Variants in ANXA8 observed in about 807,000 individuals in gnomAD.
ANXA8 encodes the protein VAC-beta.
A neutral mutation model predicts 26.8 loss-of-function variants in ANXA8; 9 were observed. That is an observed-to-expected ratio of 0.34 (90% CI 0.20 to 0.59). ANXA8 has a LOEUF of 0.59. Among genes scored for constraint, ANXA8 ranks in the 20% least tolerant of loss-of-function variants. The pLI, the probability that ANXA8 is intolerant of heterozygous loss-of-function variation, is 0.84. For synonymous variants in ANXA8, 39 were observed against 94.8 expected (o/e 0.41, Z 3.42); for missense variants, 83 against 238.5 (o/e 0.35, Z 4.29).
chr10:47,600,470 G>C, the ANXA8 span, among the ~76,000 whole-genome samples: 1 of 148,590 alleles, frequency 6.7e-6, no homozygotes, highest in African/African-American at 2.6e-5. Context: ...GCAATCCCTA[G>C]ATTTGCCCTG....
chr10:47,970,372 G>A, the ANXA8 span: 1 of 151,158 alleles, frequency 6.6e-6, no homozygotes, highest in East Asian at 1.9e-4. Flanking sequence ...TCTAGGAAAG[G>A]AGGTGTGTCC....
At chr10:47,937,813 A>C in the ANXA8 span, among the ~76,000 whole-genome samples, 2 of 126,994 alleles carry the variant, frequency 1.6e-5, no homozygotes, top group Non-Finnish European at 3.2e-5. Context: ...AAAGAACAAG[A>C]TCATGTTCCT....
At chr10:47,702,619 G>T in the ANXA8 span, among the ~76,000 whole-genome samples, 17 of 151,684 alleles carry the variant, frequency 1.1e-4, no homozygotes, top group Non-Finnish European at 1.5e-5. Context: ...GAGATTGCAC[G>T]TGTGAGCCAC....
upstream of ANXA8, among the ~76,000 whole-genome samples, chr10:47,486,122 A>AT (rs1246635053): frequency 1.3e-5 from 2 of 151,150 alleles, no homozygotes; most frequent in African/African-American, 4.9e-5. Flanking sequence ...AAAAAAAAAA[A>AT]TCAACAGCAG....
the ANXA8 span, among the ~76,000 whole-genome samples, chr10:47,676,984 G>C: frequency 3.5e-5 from 3 of 84,914 alleles, no homozygotes; most frequent in African/African-American, 1.5e-4. Flanking sequence ...CATCCATAAA[G>C]AGCTGAAAGA....
chr10:47,495,659 AGAGGAGGAGGAG>A, the ANXA8 span, among the ~76,000 whole-genome samples: 23 of 120,974 alleles, frequency 1.9e-4, no homozygotes, highest in South Asian at 5.0e-3. Flanking sequence ...CTGAGGAGGA[AGAGGAGGAGGAG>A]GAGGAGGAGG....
At chr10:47,484,932 G>A (rs1840003765), upstream of ANXA8, among the ~76,000 whole-genome samples, 1 of 148,418 alleles carries the variant, frequency 6.7e-6, no homozygotes, top group South Asian at 2.2e-4. Flanking sequence ...GCTGGCTCGG[G>A]AGCCAGCCCA....
At position 47,473,952 on chromosome 10, in the gene ANXA8, G is replaced by A; in HGVS notation, c.742+18C>T. 1 of 459,616 alleles carries A rather than the reference G, an allele frequency of 2.2e-6. No individual in the cohort carries two copies. Among genetic ancestry groups the A allele is most frequent in the Non-Finnish European group, 3.6e-6 (1 of 277,192 alleles). The allele number at this position is 459,616 out of a possible 1,614,324, so 28.5% of individuals were successfully genotyped here. On this transcript the variant is annotated intron_variant, in intron 9 of 11. Coordinates refer to ENST00000585281, the MANE Select transcript of ANXA8 (RefSeq NM_001040084.3). ...GTGAGCCCTGTGGCCTGAAAAACGT[G>A]CAAGTCTGAGCTCTTACCCACAGTG...
At chr10:47,528,708 T>TAA in the ANXA8 span, among the ~76,000 whole-genome samples, 2 of 142,498 alleles carry the variant, frequency 1.4e-5, no homozygotes, top group African/African-American at 2.5e-5. Flanking sequence ...CTCTAACATA[T>TAA]AACTACAAAA....
chr10:47,589,898 A>G, the ANXA8 span, among the ~76,000 whole-genome samples: 4,687 of 126,406 alleles, frequency 0.037, 1,015 homozygotes, highest in African/African-American at 0.18. Context: ...GGAAAGATAG[A>G]TAGATGATAG....
the ANXA8 span, among the ~76,000 whole-genome samples, chr10:47,954,118 T>C: frequency 6.6e-6 from 1 of 150,792 alleles, no homozygotes; most frequent in Non-Finnish European, 1.5e-5. Flanking sequence ...CTATTCACAA[T>C]AGCCAAGATT....
At chr10:47,645,440 GTC>G in the ANXA8 span, among the ~76,000 whole-genome samples, 1 of 147,948 alleles carries the variant, frequency 6.8e-6, no homozygotes, top group Non-Finnish European at 1.5e-5. Flanking sequence ...CCTCATAGTA[GTC>G]ATATGGCTAC....
At chr10:47,691,098 C>T in the ANXA8 span, 1 of 1,611,130 alleles carries the variant, frequency 6.2e-7, no homozygotes, top group South Asian at 1.1e-5. Flanking sequence ...GGACCAAATT[C>T]TGGCTCTAAA....
At chr10:47,690,831 T>C in the ANXA8 span, 1 of 1,611,516 alleles carries the variant, frequency 6.2e-7, no homozygotes, top group Non-Finnish European at 8.5e-7. Flanking sequence ...ACAAAAGTGC[T>C]ATTAAAAGAA....
chr10:47,522,177 G>A, the ANXA8 span, among the ~76,000 whole-genome samples: 4 of 141,304 alleles, frequency 2.8e-5, 1 homozygote, highest in Non-Finnish European at 6.1e-5. Flanking sequence ...ACTCTTACAG[G>A]GAAGTCTGAC....
chr10:47,639,788 C>CT, the ANXA8 span, among the ~76,000 whole-genome samples: 45 of 143,932 alleles, frequency 3.1e-4, no homozygotes, highest in South Asian at 1.6e-3. Flanking sequence ...TTTTCTTTTT[C>CT]TTTTTTCAGA....
chr10:47,673,806 C>G, the ANXA8 span, among the ~76,000 whole-genome samples: 1 of 150,378 alleles, frequency 6.6e-6, no homozygotes, highest in Non-Finnish European at 1.5e-5. Flanking sequence ...TTAGTTTTTC[C>G]TATTTTTAAC....
chr10:47,973,688 T>C, the ANXA8 span, among the ~76,000 whole-genome samples: 2 of 150,870 alleles, frequency 1.3e-5, no homozygotes, highest in Admixed American at 6.6e-5. Flanking sequence ...TTGGGCATTT[T>C]TAGAACTCAC....
the ANXA8 span, among the ~76,000 whole-genome samples, chr10:47,894,898 A>C: frequency 6.6e-6 from 1 of 151,110 alleles, no homozygotes. Context: ...ACACACACAA[A>C]ATACACACAC....
Sources: allele counts gnomAD v4.1 joint callset (sites outside exome capture counted in the v4.1 genomes callset), GRCh38; gene constraint gnomAD v4.1.1; transcripts MANE v1.5; gene names NCBI Gene and HGNC (gene_info 2026-07-23, HGNC 2026-07-21).